Variants in OXR1 observed in about 807,000 individuals in gnomAD.
The protein encoded by OXR1 is oxidation resistance protein 1.
Under a neutral mutation model 104.6 loss-of-function variants are expected in OXR1, and 41 were observed. That is an observed-to-expected ratio of 0.39 (90% CI 0.31 to 0.51). The LOEUF is 0.51. Among genes scored for constraint, OXR1 ranks in the 20% least tolerant of loss-of-function variants. OXR1 has a pLI of 0.77. For synonymous variants in OXR1, 348 were observed against 348.4 expected, an observed-to-expected ratio of 1.00 and a Z score of 0.01; for missense variants, 955 against 1,031.9, an observed-to-expected ratio of 0.93 and a Z score of 1.02.
At chr8:106,684,521 T>A (rs1828502528) in intron 6 of OXR1, among the ~76,000 whole-genome samples, 162 bp downstream of exon 6, 1 of 152,240 alleles carries the variant, frequency 6.6e-6, no homozygotes, top group Admixed American at 6.5e-5. Flanking sequence ...AATAAGACAT[T>A]CTTATGAAAC....
At chr8:106,578,888 T>C (rs1478264943) in intron 3 of OXR1, among the ~76,000 whole-genome samples, 2 of 152,042 alleles carry the variant, frequency 1.3e-5, no homozygotes, top group African/African-American at 4.8e-5. Context: ...TCCCATTTAC[T>C]CTTTACCCTA....
chr8:106,734,503 T>G (rs1834199400), intron 11 of OXR1, among the ~76,000 whole-genome samples: 1 of 152,206 alleles, frequency 6.6e-6, no homozygotes, highest in Non-Finnish European at 1.5e-5. Flanking sequence ...CTAGCAGATT[T>G]TTGTTAGTGT....
intron 3 of OXR1, among the ~76,000 whole-genome samples, chr8:106,550,508 G>A (rs76044557): frequency 0.03 from 4,508 of 152,192 alleles, 220 homozygotes; most frequent in African/African-American, 0.1. Context: ...CCTGAATCTC[G>A]TCTTGAATTG....
chr8:106,385,411 C>G (rs1398088374), intron 2 of OXR1, among the ~76,000 whole-genome samples: 2 of 152,008 alleles, frequency 1.3e-5, no homozygotes, highest in East Asian at 3.9e-4. Flanking sequence ...AAAGATGCAC[C>G]CAGATCTTAG....
intron 1 of OXR1, among the ~76,000 whole-genome samples, chr8:106,308,699 T>G (rs1222163658): frequency 6.6e-6 from 1 of 152,176 alleles, no homozygotes; most frequent in Non-Finnish European, 1.5e-5. Context: ...GCTTAAAAGC[T>G]ACTTATTTAA....
intron 4 of OXR1, among the ~76,000 whole-genome samples, chr8:106,682,191 T>A (rs1036066114): frequency 1.3e-5 from 2 of 152,140 alleles, no homozygotes; most frequent in African/African-American, 4.8e-5. Flanking sequence ...TATCTTAGTT[T>A]CCAACTAGAT....
intron 2 of OXR1, among the ~76,000 whole-genome samples, chr8:106,517,245 G>A (rs1812917348): frequency 6.6e-6 from 1 of 152,154 alleles, no homozygotes; most frequent in Admixed American, 6.5e-5. Flanking sequence ...ATCATAGATA[G>A]TACTGCTTGT....
intron 15 of OXR1, among the ~76,000 whole-genome samples, chr8:106,743,684 G>C (rs971915480): frequency 5.3e-5 from 8 of 152,194 alleles, no homozygotes; most frequent in Admixed American, 3.3e-4. Context: ...GTAGAAGACA[G>C]TGTGGCAATT....
Position 106,706,503 on chromosome 8 carries a change from A to G in OXR1, c.982A>G (p.Arg328Gly). 6.2e-7 allele frequency: 1 copy of G among 1,605,066 alleles called. No homozygotes were observed. The highest frequency in any genetic ancestry group is 1.1e-5 in the South Asian group (1 of 89,074). The stretch of plus-strand genomic sequence containing the variant: ...TAATGATAGTGCCAGCACTGCTCCT[A>G]GGAGCACTGAGGAGTCTCTTTCTGA... Reference protein sequence around the residue: ...AGNDSASTAPRSTEESLSEDV... With the variant: ...AGNDSASTAPGSTEESLSEDV... The change falls in exon 9 of 17, where the codon AGG becomes GGG. Residue 328 changes from arginine (R) to glycine (G), a missense_variant. Physicochemically the swap from Arg to Gly is moderately radical, Grantham distance 125. Around this residue, in one of 2 missense-constraint regions of OXR1, gnomAD observed 849 missense variants for 852.9 expected, o/e 1.00. Coordinates refer to ENST00000517566, the MANE Select transcript of OXR1 (RefSeq NM_001198533.2).
chr8:106,411,120 T>A (rs182247270), intron 2 of OXR1, among the ~76,000 whole-genome samples: 3 of 152,280 alleles, frequency 2.0e-5, no homozygotes, highest in African/African-American at 7.2e-5. Context: ...TTTTATGATA[T>A]GGGACTGATT....
At chr8:106,504,659 T>C (rs1812037161) in intron 2 of OXR1, among the ~76,000 whole-genome samples, 1 of 152,190 alleles carries the variant, frequency 6.6e-6, no homozygotes. Context: ...TGTAAAAGCC[T>C]TCTAATCTAG....
At chr8:106,402,778 A>G (rs1818051071) in intron 2 of OXR1, among the ~76,000 whole-genome samples, 1 of 152,064 alleles carries the variant, frequency 6.6e-6, no homozygotes, top group Non-Finnish European at 1.5e-5. Context: ...AGGAGACCCA[A>G]CTTCCCCTTC....
At position 106,644,005 on chromosome 8, in the gene OXR1, A is replaced by G. The variant is rs375221217; in HGVS notation, c.221-35205A>G. Among the ~76,000 whole-genome samples, 4 of 152,356 alleles carry G rather than the reference A, an allele frequency of 2.6e-5. No homozygotes were observed. The South Asian group carries it at 6.2e-4, about 24-fold the overall frequency. The stretch of plus-strand genomic sequence containing the variant: ...GGAGAACAGTATGTAAAACATAAAA[A>G]TGGCATTTTATGAGCCTACATGTGT... On this transcript the variant is annotated intron_variant, in intron 3 of 16. Coordinates refer to ENST00000517566, the MANE Select transcript of OXR1 (RefSeq NM_001198533.2).
chr8:106,391,630 A>G (rs1817589249), intron 2 of OXR1, among the ~76,000 whole-genome samples: 2 of 152,160 alleles, frequency 1.3e-5, no homozygotes, highest in African/African-American at 4.8e-5. Context: ...CCACAGTTTG[A>G]TGTCCTATGA....
At chr8:106,273,979 C>A (rs1031832328) in intron 1 of OXR1, among the ~76,000 whole-genome samples, 1 of 152,090 alleles carries the variant, frequency 6.6e-6, no homozygotes, top group African/African-American at 2.4e-5. Flanking sequence ...ATTTTTAATT[C>A]AAATGAATTT....
intron 3 of OXR1, among the ~76,000 whole-genome samples, chr8:106,678,889 G>A (rs1827863381): frequency 6.6e-6 from 1 of 152,006 alleles, no homozygotes; most frequent in Non-Finnish European, 1.5e-5. Context: ...ATCTTAAAAT[G>A]TGTTGGTATT....
At chr8:106,392,085 G>A (rs977796867) in intron 2 of OXR1, among the ~76,000 whole-genome samples, 2 of 152,184 alleles carry the variant, frequency 1.3e-5, no homozygotes, top group East Asian at 3.8e-4. Flanking sequence ...GTGCATCTGT[G>A]GTCAATCGCA....
At chr8:106,407,459 C>G (rs1489220286) in intron 2 of OXR1, among the ~76,000 whole-genome samples, 2 of 152,142 alleles carry the variant, frequency 1.3e-5, no homozygotes, top group Admixed American at 1.3e-4. Flanking sequence ...TTTTAATAAG[C>G]AGAAAGACTA....
chr8:106,452,040 G>A (rs908910098), intron 2 of OXR1, among the ~76,000 whole-genome samples: 1 of 152,136 alleles, frequency 6.6e-6, no homozygotes, highest in Non-Finnish European at 1.5e-5. Context: ...GGTCCCAGAG[G>A]CTAGCCGACA....
Sources: gnomAD v4.1 joint callset for allele counts (sites outside exome capture counted in the v4.1 genomes callset) on GRCh38, gnomAD v4.1.1 for gene constraint, gnomAD v4.1.1 regional missense constraint, MANE v1.5 for transcripts, NCBI Gene and HGNC (gene_info 2026-07-23, HGNC 2026-07-21) for gene names.